The following PCYT1A variants were observed in gnomAD, a reference collection of about 807,000 sequenced individuals.
PCYT1A encodes the protein choline-phosphate cytidylyltransferase A.
In PCYT1A, 25 loss-of-function variants were observed where a neutral mutation model predicts 43.7. The observed-to-expected ratio is 0.57, with a 90% CI of 0.42 to 0.80. The LOEUF is 0.80. PCYT1A is among the 30% of genes least tolerant of loss of function. The pLI is 0.00. For missense variants in PCYT1A, 421 were observed against 474.2 expected (o/e 0.89, Z 1.04); for synonymous variants, 172 against 170.7 (o/e 1.01, Z -0.06).
At chr3:196,244,899 C>T (rs1390284938) in intron 5 of PCYT1A, among the ~76,000 whole-genome samples, 2 of 151,956 alleles carry the variant, frequency 1.3e-5, no homozygotes, top group African/African-American at 2.4e-5. Flanking sequence ...GCAGCATGCT[C>T]GTTAAGAGTC....
At position 196,238,803 on chromosome 3, in the gene PCYT1A, G is replaced by A. The variant is rs1222327977; in HGVS notation, c.989C>T (p.Pro330Leu). 6.3e-6 allele frequency: 10 copies of A among 1,582,154 alleles called. No homozygotes were observed. The Admixed American group carries it at 7.2e-5, about 11-fold the overall frequency. ...GAAGGGCCATCGGAAAGAGGGGGAG[G>A]GGGAGCGCTCGCGAGTAGGGCTGCT... Reference protein sequence around the residue: ...PSSSPTRERSPSPSFRWPFSG... With the variant: ...PSSSPTRERSLSPSFRWPFSG... Residue 330 changes from proline (P) to leucine (L), a missense_variant, in exon 9 of 9, where the codon CCC (proline) becomes CTC (leucine). Physicochemically the swap from Pro to Leu is moderately conservative, Grantham distance 98. Around this residue, in one of 3 missense-constraint regions of PCYT1A, gnomAD observed 108 missense variants for 85.7 expected, o/e 1.26. Coordinates refer to ENST00000431016, the MANE Select transcript of PCYT1A (RefSeq NM_001312673.2).
At chr3:196,280,452 C>G (rs1475715633) in intron 1 of PCYT1A, among the ~76,000 whole-genome samples, 1 of 151,984 alleles carries the variant, frequency 6.6e-6, no homozygotes, top group Non-Finnish European at 1.5e-5. Flanking sequence ...TATATACTTT[C>G]AATCTTCTCT....
At chr3:196,274,818 T>TG (rs2108779818) in intron 1 of PCYT1A, among the ~76,000 whole-genome samples, 1 of 152,244 alleles carries the variant, frequency 6.6e-6, no homozygotes, top group East Asian at 1.9e-4. Context: ...ATGGCCAACA[T>TG]GAAAAAATGT....
chr3:196,249,794 CATGCCGAGGCTGAGGACCAGATACACT>C (rs1560165934), intron 3 of PCYT1A, among the ~76,000 whole-genome samples: 1 of 144,746 alleles, frequency 6.9e-6, no homozygotes, highest in Non-Finnish European at 1.5e-5. Context: ...TCAGATACAC[CATGCCGAGGCTGAGGACCAGATACACT>C]ATGCTGAGGC....
chr3:196,245,636 T>C (rs1724540693), intron 5 of PCYT1A, among the ~76,000 whole-genome samples: 1 of 152,078 alleles, frequency 6.6e-6, no homozygotes, highest in African/African-American at 2.4e-5. Flanking sequence ...ATTGGGACTA[T>C]GTCAGAGACT....
At chr3:196,244,893 CATGCTCGTTA>C (rs1724509469) in intron 5 of PCYT1A, among the ~76,000 whole-genome samples, 1 of 152,078 alleles carries the variant, frequency 6.6e-6, no homozygotes, top group South Asian at 2.1e-4. Flanking sequence ...TTGAAGGCAG[CATGCTCGTTA>C]AGAGTCATCA....
At chr3:196,261,676 G>A (rs1725113372) in intron 2 of PCYT1A, among the ~76,000 whole-genome samples, 1 of 151,892 alleles carries the variant, frequency 6.6e-6, no homozygotes, top group African/African-American at 2.4e-5. Flanking sequence ...TGCAATCCCA[G>A]CTACTCGGGA....
intron 2 of PCYT1A, among the ~76,000 whole-genome samples, chr3:196,262,771 T>C (rs903126675): frequency 3.3e-5 from 5 of 150,372 alleles, no homozygotes; most frequent in Non-Finnish European, 7.4e-5. Flanking sequence ...GTACACTTTT[T>C]ACTTTCTAAG....
rs1724261677 is a variant in PCYT1A, at chr3:196,238,829, G to C, written c.963C>G (p.Ser321Arg). The C allele has an allele frequency of 6.4e-7, 1 of 1,565,630 alleles. No individual in the cohort carries two copies. The highest frequency in any genetic ancestry group is 1.2e-5 in the South Asian group (1 of 84,116). Residue 321 changes from serine (S) to arginine (R), a missense_variant, in exon 9 of 9, where the codon AGC (serine) becomes AGG (arginine). Ser to Arg is a moderately radical substitution (Grantham distance 110). This residue lies in a region of PCYT1A where 108 missense variants were observed against 85.7 expected (regional missense o/e 1.26). Coordinates refer to ENST00000431016, the MANE Select transcript of PCYT1A (RefSeq NM_001312673.2). ...GGGAGCGCTCGCGAGTAGGGCTGCT[G>C]CTGGGGCTCTGCTTCGGGCTGATGG... is the stretch of plus-strand genomic sequence containing the variant. ...LQAISPKQSP[S>R]SSPTRERSPS... is the part of the protein sequence containing the mutation.
At chr3:196,255,446 A>G (rs570194325) in intron 3 of PCYT1A, among the ~76,000 whole-genome samples, 2 of 152,336 alleles carry the variant, frequency 1.3e-5, no homozygotes, top group Non-Finnish European at 2.9e-5. Flanking sequence ...TAAAGTAGAT[A>G]ATCTTGAAAA....
intron 1 of PCYT1A, among the ~76,000 whole-genome samples, chr3:196,286,971 A>G (rs1054621581): frequency 6.6e-6 from 1 of 152,228 alleles, no homozygotes; most frequent in African/African-American, 2.4e-5. Flanking sequence ...TCACAGCTCA[A>G]TACTAGGAAG....
rs1247101381 is a variant in PCYT1A, at chr3:196,268,696, G to A, written c.117+1719C>T. 6.6e-6 allele frequency among the ~76,000 whole-genome samples: 1 copy of A among 152,198 alleles called. No homozygotes were observed. Among genetic ancestry groups the A allele is most frequent in the Non-Finnish European group, 1.5e-5 (1 of 68,038 alleles). Reference sequence around the variant, plus strand: ...TGCAATCCCAGCCACTTGGGAGGCTGAGGCAGGGAAATCACTTGAACCCAA... The same window carrying A: ...TGCAATCCCAGCCACTTGGGAGGCTAAGGCAGGGAAATCACTTGAACCCAA... On this transcript the variant is annotated intron_variant, in intron 2 of 8. Coordinates refer to ENST00000431016, the MANE Select transcript of PCYT1A (RefSeq NM_001312673.2). The surrounding 1 kb of genome is among the most constrained non-coding windows in gnomAD (Gnocchi z 4.4).
rs180911353 is a variant in PCYT1A at position 196,252,153 on chromosome 3, G to A, written c.218-3830C>T. Among the ~76,000 whole-genome samples the A allele has an allele frequency of 1.3e-3, 198 of 152,218 alleles. No homozygotes were observed. Among genetic ancestry groups the A allele is most frequent in the African/African-American group, 3.5e-3 (145 of 41,540 alleles). ...CACTGGCTACAGTGCACACCGCCAC[G>A]CCCCACTGGCTACAGCGCACACCAC... On this transcript the variant is annotated intron_variant, in intron 3 of 8. Transcript: ENST00000431016. The surrounding 1 kb of genome is among the most constrained non-coding windows in gnomAD (Gnocchi z 4.0).
At chr3:196,271,120 G>A (rs1309161591) in intron 1 of PCYT1A, among the ~76,000 whole-genome samples, 1 of 152,026 alleles carries the variant, frequency 6.6e-6, no homozygotes, top group Admixed American at 6.6e-5. Context: ...AACCTCGTTA[G>A]CTCAAGCGAT....
chr3:196,253,811 G>A (rs570883395), intron 3 of PCYT1A, among the ~76,000 whole-genome samples: 1 of 152,182 alleles, frequency 6.6e-6, no homozygotes, highest in African/African-American at 2.4e-5. Context: ...AAGAAAGCTA[G>A]CGTTAGCCAT....
chr3:196,265,113 G>T (rs1725228764), intron 2 of PCYT1A, among the ~76,000 whole-genome samples: 2 of 151,698 alleles, frequency 1.3e-5, no homozygotes, highest in South Asian at 4.2e-4. Context: ...GCCCAGGCTG[G>T]AGTGCAGTGG....
chr3:196,249,227 G>C (rs1354658329), intron 3 of PCYT1A, among the ~76,000 whole-genome samples: 1 of 151,622 alleles, frequency 6.6e-6, no homozygotes, highest in Admixed American at 6.6e-5. Context: ...GCTCACGGCA[G>C]CCTTGACCTC....
rs553600724 is a variant in PCYT1A at position 196,249,996 on chromosome 3, A to G, written c.218-1673T>C. On this transcript the variant is annotated intron_variant, in intron 3 of 8. Coordinates refer to ENST00000431016, the MANE Select transcript of PCYT1A (RefSeq NM_001312673.2). ...TACCACATACACTATGCTGAGGATC[A>G]GGTACACCATGCCGAGGCTGAGGAC... Among the ~76,000 whole-genome samples the G allele has an allele frequency of 1.9e-4, 27 of 139,102 alleles. 1 individual carries two copies. The highest frequency in any genetic ancestry group is 7.1e-4 in the African/African-American group (26 of 36,750). 91.3% of individuals were successfully genotyped at this position (139,102 alleles called of 152,430 possible).
At position 196,236,428 on chromosome 3, in the gene PCYT1A, A is replaced by T. The variant is rs748560864; in HGVS notation, c.*2260T>A. 1 of 152,272 alleles carries T rather than the reference A, an allele frequency of 6.6e-6. No homozygotes were observed. The highest frequency in any genetic ancestry group is 1.9e-4 in the East Asian group (1 of 5,206). The allele number at this position is 152,272 out of a possible 1,614,324, so 9.4% of individuals were successfully genotyped here. The stretch of plus-strand genomic sequence containing the variant: ...ATGAGACTATGTAACACTGGGTAAC[A>T]CAGGAAAACACTAACTTCAGCTGTT... On this transcript the variant is annotated 3_prime_UTR_variant, in exon 9 of 9. Transcript: ENST00000431016.
Sources: allele counts gnomAD v4.1 joint callset (sites outside exome capture counted in the v4.1 genomes callset), GRCh38; gene constraint gnomAD v4.1.1; regional missense constraint gnomAD v4.1.1; non-coding constraint Gnocchi (gnomAD v3.1); transcripts MANE v1.5; gene names NCBI Gene and HGNC (gene_info 2026-07-23, HGNC 2026-07-21).